Variants in KANSL1 observed in about 807,000 individuals in gnomAD.
KANSL1 encodes the protein KAT8 regulatory NSL complex subunit 1, also known as MLL1/MLL complex subunit KANSL1.
KANSL1 carries 22 observed loss-of-function variants against 103.6 expected under a neutral mutation model. That is an observed-to-expected ratio of 0.21 (90% confidence interval 0.15 to 0.30). KANSL1 has a LOEUF of 0.30. Ranked by LOEUF, KANSL1 falls within the 10% of genes least tolerant of loss-of-function variation. The pLI is 1.00. For missense variants in KANSL1, 1,337 were observed against 1,399.8 expected, an observed-to-expected ratio of 0.96 and a Z score of 0.72; for synonymous variants, 600 against 527.6, an observed-to-expected ratio of 1.14 and a Z score of -1.88.
chr17:46,179,571 G>A (rs1169329910), intron 1 of KANSL1, among the ~76,000 whole-genome samples: 1 of 152,210 alleles, frequency 6.6e-6, no homozygotes, highest in East Asian at 1.9e-4. Flanking sequence ...CTACACAAAG[G>A]ACGGAAAGAA....
At chr17:46,179,527 T>C (rs1021502285) in intron 1 of KANSL1, among the ~76,000 whole-genome samples, 1 of 152,352 alleles carries the variant, frequency 6.6e-6, no homozygotes, top group South Asian at 2.1e-4. Context: ...ATGTGGCTTC[T>C]ACTAACCTCT....
chr17:46,209,589 G>A (rs2048092274), intron 1 of KANSL1, among the ~76,000 whole-genome samples: 1 of 152,150 alleles, frequency 6.6e-6, no homozygotes, highest in African/African-American at 2.4e-5. Flanking sequence ...TGTCTCCCGG[G>A]TTCAAGCCAT....
At chr17:46,158,706 C>A (rs1008587614) in intron 2 of KANSL1, among the ~76,000 whole-genome samples, 10 of 151,972 alleles carry the variant, frequency 6.6e-5, no homozygotes, top group Non-Finnish European at 1.3e-4. Flanking sequence ...ACACCCGGTT[C>A]ATTTTTGTAT....
chr17:46,196,042 G>T (rs2047596671), upstream of KANSL1: 9 of 247,360 alleles, frequency 3.6e-5, no homozygotes, highest in South Asian at 3.4e-4. Context: ...CGGAGTTAGA[G>T]ACCAGCCTGG....
chr17:46,049,876 C>G lies in KANSL1; in HGVS notation c.2020+657G>C, dbSNP rs1489696765. The stretch of plus-strand genomic sequence containing the variant: ...AGTATGAAGATATTCTCCTAGAACA[C>G]TGCCGTCCATCCTACATTATATCAT... On this transcript the variant is annotated intron_variant, in intron 7 of 14. Transcript: ENST00000432791. The G allele has an allele frequency of 2.6e-5, 4 of 152,374 alleles. 1 individual carries two copies. The highest frequency in any genetic ancestry group is 5.9e-5 in the Non-Finnish European group (4 of 68,106). 9.4% of individuals were successfully genotyped at this position (152,374 alleles called of 1,614,324 possible).
intron 1 of KANSL1, among the ~76,000 whole-genome samples, chr17:46,192,203 CTA>C (rs1156443299): frequency 2.0e-5 from 3 of 152,022 alleles, no homozygotes; most frequent in Non-Finnish European, 4.4e-5. Context: ...GGAAAACAAA[CTA>C]TTTGCTAAGA....
chr17:46,105,974 A>G (rs2042548523), intron 2 of KANSL1, among the ~76,000 whole-genome samples: 1 of 150,374 alleles, frequency 6.7e-6, no homozygotes, highest in Non-Finnish European at 1.5e-5. Flanking sequence ...AAGGAGCAGA[A>G]AAGTACAGTG....
At chr17:46,109,944 G>A (rs1045039696) in intron 2 of KANSL1, among the ~76,000 whole-genome samples, 2 of 152,238 alleles carry the variant, frequency 1.3e-5, no homozygotes, top group Non-Finnish European at 2.9e-5. Flanking sequence ...ACAGCAAAGT[G>A]CATGTAGAGG....
At position 46,050,565 on chromosome 17, in the gene KANSL1, G is replaced by A. The variant is rs1257170915; in HGVS notation, c.1988C>T (p.Ser663Phe). 2.5e-6 allele frequency: 4 copies of A among 1,614,172 alleles called. No homozygotes were observed. The highest frequency in any genetic ancestry group is 1.6e-4 in the Middle Eastern group (1 of 6,062). The change falls in exon 7 of 15, where the codon TCT becomes TTT. Residue 663 changes from serine (S) to phenylalanine (F), a missense_variant. Physicochemically the swap from Ser to Phe is radical, Grantham distance 155. Around this residue, in one of 2 missense-constraint regions of KANSL1, gnomAD observed 780 missense variants for 923.4 expected, o/e 0.84. Transcript: ENST00000432791. ...PLLERLSQLD[S>F]CVHPVLAFPD... ...AAATGCTAGAACAGGATGAACACAA[G>A]AGTCCAACTGGGAAAGACGTTCCAA...
At chr17:46,201,235 A>C (rs2047795131) in intron 1 of KANSL1, among the ~76,000 whole-genome samples, 1 of 152,118 alleles carries the variant, frequency 6.6e-6, no homozygotes, top group Non-Finnish European at 1.5e-5. Flanking sequence ...TTAACCCACT[A>C]ATTCTTGGAT....
At chr17:46,139,080 A>C (rs943809829) in intron 2 of KANSL1, among the ~76,000 whole-genome samples, 2 of 152,246 alleles carry the variant, frequency 1.3e-5, no homozygotes, top group African/African-American at 4.8e-5. Context: ...TTAAAAAGGA[A>C]GGCAGAAAAA....
At chr17:46,126,311 G>A (rs2043554113) in intron 2 of KANSL1, among the ~76,000 whole-genome samples, 1 of 152,100 alleles carries the variant, frequency 6.6e-6, no homozygotes, top group Non-Finnish European at 1.5e-5. Context: ...GCGTGGTGAT[G>A]GGCGCCTGTA....
chr17:46,031,969 C>G, intron 14 of KANSL1, 78 bp downstream of exon 14: 1 of 1,597,428 alleles, frequency 6.3e-7, no homozygotes, highest in Non-Finnish European at 8.6e-7. Flanking sequence ...ATGGCTAGGT[C>G]CCTCTTCAGC....
At chr17:46,125,191 G>A (rs72628326) in intron 2 of KANSL1, among the ~76,000 whole-genome samples, 9 of 151,964 alleles carry the variant, frequency 5.9e-5, no homozygotes, top group African/African-American at 2.2e-4. Flanking sequence ...CCATCAACAT[G>A]GAGATAGGAC....
intron 2 of KANSL1, among the ~76,000 whole-genome samples, chr17:46,160,312 T>G (rs1336344042): frequency 1.3e-5 from 2 of 152,252 alleles, no homozygotes; most frequent in Non-Finnish European, 2.9e-5. Context: ...ATCCAACTTT[T>G]TTTAAGACAA....
At chr17:46,188,560 G>A (rs1030825888) in intron 1 of KANSL1, among the ~76,000 whole-genome samples, 1 of 152,232 alleles carries the variant, frequency 6.6e-6, no homozygotes, top group Non-Finnish European at 1.5e-5. Context: ...AGGCAAGCCA[G>A]GTGTCTGGGG....
Position 46,094,649 on chromosome 17 carries a change from G to A in KANSL1, c.1342C>T (p.Arg448Cys), listed in dbSNP as rs2146947447. ...WAADRAAIVS[R>C]WNWLQAHVSD... ...ACATGAGCCTGAAGCCAGTTCCAGC[G>A]GCTGACAATAGCTGCCCGGTCTGCA... The change falls in exon 3 of 15, where the codon CGC (arginine) becomes TGC (cysteine). Residue 448 changes from arginine (R) to cysteine (C), a missense_variant. Physicochemically the swap from Arg to Cys is radical, Grantham distance 180 (BLOSUM62 -3). Coordinates refer to ENST00000432791, the MANE Select transcript of KANSL1 (RefSeq NM_015443.4). 6 of 1,614,124 alleles carry A rather than the reference G, an allele frequency of 3.7e-6. No homozygotes were observed. The highest frequency in any genetic ancestry group is 4.2e-6 in the Non-Finnish European group (5 of 1,180,034).
chr17:46,105,865 T>TCACACACACACACACA (rs373943708), intron 2 of KANSL1, among the ~76,000 whole-genome samples: 9 of 134,670 alleles, frequency 6.7e-5, no homozygotes, highest in African/African-American at 2.7e-4. Flanking sequence ...AGCAAGACCT[T>TCACACACACACACACA]CACACACACA....
At chr17:46,222,059 T>C (rs1279100983) in intron 1 of KANSL1, 1 of 146,498 alleles carries the variant, frequency 6.8e-6, no homozygotes, top group Admixed American at 7.0e-5. Context: ...GGTTTACACT[T>C]AGAAGATGTT....
Sources: gnomAD v4.1 joint callset for allele counts (sites outside exome capture counted in the v4.1 genomes callset) on GRCh38, gnomAD v4.1.1 for gene constraint, gnomAD v4.1.1 regional missense constraint, MANE v1.5 for transcripts, NCBI Gene and HGNC (gene_info 2026-07-23, HGNC 2026-07-21) for gene names.